SEZ6L: variants seen among roughly 807,000 people sequenced by gnomAD.
The protein encoded by SEZ6L is seizure related 6 homolog like.
A neutral mutation model predicts 106.2 loss-of-function variants in SEZ6L; 37 were observed. That is an observed-to-expected ratio of 0.35 (90% confidence interval 0.27 to 0.46). The LOEUF is 0.46. Ranked by LOEUF, SEZ6L falls within the 20% of genes least tolerant of loss-of-function variation. The pLI is 1.00. For synonymous variants in SEZ6L, 541 were observed against 570.4 expected (o/e 0.95, Z 0.73); for missense variants, 1,172 against 1,332.8 (o/e 0.88, Z 1.88).
At chr22:26,236,309 C>T (rs1379107287) in intron 1 of SEZ6L, among the ~76,000 whole-genome samples, 2 of 152,188 alleles carry the variant, frequency 1.3e-5, no homozygotes, top group Non-Finnish European at 2.9e-5. Flanking sequence ...GGGGGACCGA[C>T]CCTCTAATTG....
At chr22:26,294,918 TGCTTCTTTCTCTTTC>T (rs1408997724) in intron 3 of SEZ6L, among the ~76,000 whole-genome samples, 47 of 144,744 alleles carry the variant, frequency 3.2e-4, no homozygotes, top group African/African-American at 1.2e-3. Flanking sequence ...CCTGCTTTCT[TGCTTCTTTCTCTTTC>T]TCTTTCTTTC....
intron 13 of SEZ6L, among the ~76,000 whole-genome samples, chr22:26,367,345 G>C (rs2083853311): frequency 6.6e-6 from 1 of 151,760 alleles, no homozygotes; most frequent in Admixed American, 6.6e-5. Flanking sequence ...GTTTGTTTTT[G>C]TTTGTTTGTT....
chr22:26,276,054 C>T (rs554208114), intron 1 of SEZ6L, among the ~76,000 whole-genome samples: 13 of 152,278 alleles, frequency 8.5e-5, no homozygotes, highest in Admixed American at 7.8e-4. Context: ...AGCTGTGACA[C>T]CTCTCTCTCA....
At chr22:26,297,686 TTC>T (rs2081340197) in intron 4 of SEZ6L, among the ~76,000 whole-genome samples, 1 of 152,152 alleles carries the variant, frequency 6.6e-6, no homozygotes, top group Non-Finnish European at 1.5e-5. Flanking sequence ...TGTTCCTGTC[TTC>T]TCTGTTTTGC....
Position 26,380,337 on chromosome 22 carries a change from A to G in SEZ6L, c.*42A>G. 2 of 1,547,006 alleles carry G rather than the reference A, an allele frequency of 1.3e-6. 1 individual carries two copies. The highest frequency in any genetic ancestry group is 2.2e-5 in the South Asian group (2 of 89,562). ...GAAGGGGACTTGTGAACTCAACCAC[A>G]ATCTCCTCGAGACATTCATCCAGAG... On this transcript the variant is annotated 3_prime_UTR_variant, in exon 17 of 17. Coordinates refer to ENST00000248933, the MANE Select transcript of SEZ6L (RefSeq NM_021115.5).
At chr22:26,245,247 C>T (rs988588927) in intron 1 of SEZ6L, among the ~76,000 whole-genome samples, 10 of 152,114 alleles carry the variant, frequency 6.6e-5, no homozygotes, top group African/African-American at 2.4e-4. Flanking sequence ...ATGCAAATTC[C>T]CCAGGCACCA....
chr22:26,283,153 C>T (rs992926571), intron 1 of SEZ6L, among the ~76,000 whole-genome samples: 1 of 152,106 alleles, frequency 6.6e-6, no homozygotes, highest in Non-Finnish European at 1.5e-5. Context: ...AACTCCTGAC[C>T]TCATGATCTA....
chr22:26,380,095 C>T (rs1007043627), intron 16 of SEZ6L, among the ~76,000 whole-genome samples, 171 bp from the exon 17 acceptor site: 6 of 152,300 alleles, frequency 3.9e-5, no homozygotes, highest in Middle Eastern at 6.8e-3. Context: ...AGCTGTTGTA[C>T]GCCATTTCCT....
intron 11 of SEZ6L, among the ~76,000 whole-genome samples, chr22:26,348,814 AG>A (rs2083170688): frequency 4.7e-4 from 1 of 2,144 alleles, no homozygotes; most frequent in African/African-American, 2.2e-3. Context: ...GGAAGGGGAG[AG>A]AAGAGAGGGA....
intron 9 of SEZ6L, among the ~76,000 whole-genome samples, chr22:26,330,389 T>G (rs949498629): frequency 6.6e-6 from 1 of 152,298 alleles, no homozygotes; most frequent in Non-Finnish European, 1.5e-5. Flanking sequence ...GCATGTAAAG[T>G]GCCTTGAAAA....
intron 1 of SEZ6L, among the ~76,000 whole-genome samples, chr22:26,198,968 A>G (rs1317616003): frequency 6.6e-6 from 1 of 152,218 alleles, no homozygotes; most frequent in Non-Finnish European, 1.5e-5. Flanking sequence ...GCTGGTGGGA[A>G]TGTTCCCAGT....
chr22:26,227,583 ATTTTTT>A (rs11415829), intron 1 of SEZ6L, among the ~76,000 whole-genome samples: 2 of 140,010 alleles, frequency 1.4e-5, no homozygotes, highest in African/African-American at 5.3e-5. Flanking sequence ...CTAATTTTTA[ATTTTTT>A]TTTTTTTTTT....
chr22:26,350,194 G>GTA lies in SEZ6L; in HGVS notation c.2408-845_2408-844dup, dbSNP rs201613241. ...AATTCATATATATGTGTGTGTGTGT[G>GTA]TATATATATATATACACATATATAT... On this transcript the variant is annotated intron_variant, in intron 11 of 16. Transcript: ENST00000248933. Among the ~76,000 whole-genome samples, 326 of 138,740 alleles carry GTA rather than the reference G, an allele frequency of 2.3e-3. 1 individual carries two copies. The highest frequency in any genetic ancestry group is 5.0e-3 in the South Asian group (21 of 4,240). 91.0% of individuals were successfully genotyped at this position (138,740 alleles called of 152,430 possible).
At position 26,343,342 on chromosome 22, in the gene SEZ6L, A is replaced by AAAT. The variant is rs139296447; in HGVS notation, c.2212+2710_2212+2711insAAT. Among the ~76,000 whole-genome samples the AAAT allele has an allele frequency of 5.5e-4, 81 of 148,504 alleles. 1 individual carries two copies. Among genetic ancestry groups the AAAT allele is most frequent in the South Asian group, 1.1e-3 (5 of 4,666 alleles). On this transcript the variant is annotated intron_variant, in intron 10 of 16. Transcript: ENST00000248933. ...TGATGGCCAAAAAAAAAAAAAAAAA[A>AAAT]CTGACTGACTCTATCCAAGGCTGGT...
chr22:26,359,648 T>A (rs6519648), intron 12 of SEZ6L, among the ~76,000 whole-genome samples: 81,333 of 151,648 alleles, frequency 0.54, 23,828 homozygotes, highest in East Asian at 0.88. Flanking sequence ...TCATAAAAAA[T>A]TTTTAAATTA....
At chr22:26,276,900 C>A (rs1029565054) in intron 1 of SEZ6L, among the ~76,000 whole-genome samples, 2 of 152,200 alleles carry the variant, frequency 1.3e-5, no homozygotes, top group African/African-American at 4.8e-5. Flanking sequence ...AGATCGTGCG[C>A]CTGTGCCAGA....
At chr22:26,271,833 G>A (rs2080379705) in intron 1 of SEZ6L, among the ~76,000 whole-genome samples, 1 of 152,220 alleles carries the variant, frequency 6.6e-6, no homozygotes, top group South Asian at 2.1e-4. Context: ...TCATGGCAGT[G>A]CAAGAGCAGA....
intron 3 of SEZ6L, among the ~76,000 whole-genome samples, chr22:26,295,101 AAC>A (rs2145889814): frequency 6.6e-6 from 1 of 152,298 alleles, no homozygotes; most frequent in South Asian, 2.1e-4. Flanking sequence ...TTCCAGTTAA[AAC>A]TGCGTGACTT....
chr22:26,305,935 C>A, intron 5 of SEZ6L, 44 bp from the exon 6 acceptor site: 1 of 1,485,148 alleles, frequency 6.7e-7, no homozygotes, highest in Non-Finnish European at 9.3e-7. Flanking sequence ...CTCTCTCTCC[C>A]TCTCTGCTCT....
Sources: allele counts gnomAD v4.1 joint callset (sites outside exome capture counted in the v4.1 genomes callset), GRCh38; gene constraint gnomAD v4.1.1; transcripts MANE v1.5; gene names NCBI Gene and HGNC (gene_info 2026-07-23, HGNC 2026-07-21).